BMP6: variants seen among roughly 807,000 people sequenced by gnomAD.
The protein encoded by BMP6 is VG-1-R.
A neutral mutation model predicts 54.1 loss-of-function variants in BMP6; 17 were observed. The observed-to-expected ratio is 0.31, with a 90% confidence interval of 0.22 to 0.47. BMP6 has a LOEUF of 0.47. Among genes scored for constraint, BMP6 ranks in the 20% least tolerant of loss-of-function variants. The pLI, the probability that BMP6 is intolerant of heterozygous loss-of-function variation, is 1.00. For missense variants in BMP6, 720 were observed against 690.4 expected (o/e 1.04, Z -0.48); for synonymous variants, 328 against 291.2 (o/e 1.13, Z -1.28).
intron 2 of BMP6, among the ~76,000 whole-genome samples, chr6:7,847,063 T>C (rs1204480206): frequency 6.6e-6 from 1 of 152,204 alleles, no homozygotes; most frequent in Admixed American, 6.5e-5. Context: ...AGAACATTTG[T>C]AAGGTTTATA....
intron 1 of BMP6, among the ~76,000 whole-genome samples, chr6:7,837,847 G>A (rs1295343400): frequency 6.6e-6 from 1 of 152,000 alleles, no homozygotes; most frequent in African/African-American, 2.4e-5. Flanking sequence ...AATTAAAAAT[G>A]GACAGACCTC....
chr6:7,825,032 CTT>C (rs1758671023), intron 1 of BMP6, among the ~76,000 whole-genome samples: 1 of 152,240 alleles, frequency 6.6e-6, no homozygotes, highest in Admixed American at 6.5e-5. Context: ...AACGCGCAGA[CTT>C]CAGCTGGATG....
At chr6:7,844,982 A>G (rs1035865004) in intron 1 of BMP6, among the ~76,000 whole-genome samples, 158 bp from the exon 2 acceptor site, 1 of 152,120 alleles carries the variant, frequency 6.6e-6, no homozygotes, top group Non-Finnish European at 1.5e-5. Flanking sequence ...TCTCCTCCTC[A>G]TGGGCCAGCC....
intron 1 of BMP6, among the ~76,000 whole-genome samples, chr6:7,814,161 A>G (rs571348208): frequency 1.3e-5 from 2 of 152,278 alleles, no homozygotes; most frequent in Admixed American, 1.3e-4. Context: ...AGAGAAAACT[A>G]TGTGCTTTTA....
chr6:7,858,615 C>T (rs1315539975), intron 2 of BMP6, among the ~76,000 whole-genome samples: 1 of 151,940 alleles, frequency 6.6e-6, no homozygotes, highest in Non-Finnish European at 1.5e-5. Context: ...ACTTAACAGC[C>T]ATGTGACCTT....
At chr6:7,763,865 A>G (rs1053705956) in intron 1 of BMP6, among the ~76,000 whole-genome samples, 6 of 152,224 alleles carry the variant, frequency 3.9e-5, no homozygotes, top group Non-Finnish European at 8.8e-5. Flanking sequence ...GCTCACATCA[A>G]TGGCAAGTTA....
intron 1 of BMP6, among the ~76,000 whole-genome samples, chr6:7,797,672 T>TC (rs1758210747): frequency 6.6e-6 from 1 of 152,186 alleles, no homozygotes; most frequent in Non-Finnish European, 1.5e-5. Flanking sequence ...TAAATCTCTT[T>TC]CTTGGAGTGC....
chr6:7,777,291 A>AGT (rs1757875853), intron 1 of BMP6, among the ~76,000 whole-genome samples: 1 of 152,210 alleles, frequency 6.6e-6, no homozygotes, highest in Non-Finnish European at 1.5e-5. Flanking sequence ...CAGCTGCCAG[A>AGT]CCTTAACAGA....
chr6:7,744,279 G>A, intron 1 of BMP6, among the ~76,000 whole-genome samples: 1 of 152,126 alleles, frequency 6.6e-6, no homozygotes. Context: ...CTGAGGTCAG[G>A]ACTTTGGTCT....
intron 1 of BMP6, among the ~76,000 whole-genome samples, chr6:7,773,542 G>C (rs780391070): frequency 1.3e-5 from 2 of 152,176 alleles, no homozygotes; most frequent in Non-Finnish European, 2.9e-5. Context: ...GCTCAGAAAG[G>C]ATATGCAAAT....
At chr6:7,820,889 A>G (rs1459517089) in intron 1 of BMP6, among the ~76,000 whole-genome samples, 2 of 152,198 alleles carry the variant, frequency 1.3e-5, no homozygotes, top group African/African-American at 2.4e-5. Flanking sequence ...CACGCGATCT[A>G]GATCGCTTGT....
At chr6:7,815,286 C>A (rs267802) in intron 1 of BMP6, among the ~76,000 whole-genome samples, 57,199 of 151,998 alleles carry the variant, frequency 0.38, 11,811 homozygotes, top group East Asian at 0.67. Context: ...TTGGATGTGC[C>A]GCAACTGCCT....
intron 5 of BMP6, among the ~76,000 whole-genome samples, chr6:7,879,649 A>G (rs1318356327): frequency 6.6e-6 from 1 of 152,194 alleles, no homozygotes; most frequent in African/African-American, 2.4e-5. Flanking sequence ...GATAAAAGGT[A>G]GCTTCCATAT....
At chr6:7,802,620 G>A (rs752005184) in intron 1 of BMP6, among the ~76,000 whole-genome samples, 13 of 152,164 alleles carry the variant, frequency 8.5e-5, no homozygotes, top group Non-Finnish European at 1.6e-4. Context: ...AGGAAGACAG[G>A]GCAGTCACTT....
chr6:7,854,569 G>C (rs1251730908), intron 2 of BMP6, among the ~76,000 whole-genome samples: 2 of 152,228 alleles, frequency 1.3e-5, no homozygotes, highest in Non-Finnish European at 2.9e-5. Flanking sequence ...GGCCGGGGCA[G>C]GCGGGTCATT....
chr6:7,800,322 GC>G (rs1360915010), intron 1 of BMP6, among the ~76,000 whole-genome samples: 1 of 152,100 alleles, frequency 6.6e-6, no homozygotes, highest in Non-Finnish European at 1.5e-5. Flanking sequence ...TATGGAGAGA[GC>G]TTTTAAATAC....
chr6:7,744,720 G>A (rs1386974556), intron 1 of BMP6, among the ~76,000 whole-genome samples: 1 of 152,146 alleles, frequency 6.6e-6, no homozygotes, highest in Non-Finnish European at 1.5e-5. Context: ...GAGCATGGGT[G>A]GTCCAGGAGT....
intron 1 of BMP6, among the ~76,000 whole-genome samples, chr6:7,766,254 G>C (rs1446373130): frequency 1.3e-5 from 2 of 152,036 alleles, no homozygotes; most frequent in Non-Finnish European, 2.9e-5. Context: ...ACTGTATCTT[G>C]TCTGCTGATT....
intron 1 of BMP6, among the ~76,000 whole-genome samples, chr6:7,747,017 T>A (rs554648471): frequency 1.3e-5 from 2 of 152,244 alleles, no homozygotes; most frequent in South Asian, 2.1e-4. Flanking sequence ...GGTGACACAC[T>A]CTCCTCCTTT....
Sources: allele counts gnomAD v4.1 joint callset (sites outside exome capture counted in the v4.1 genomes callset), GRCh38; gene constraint gnomAD v4.1.1; transcripts MANE v1.5; gene names NCBI Gene and HGNC (gene_info 2026-07-23, HGNC 2026-07-21).